Variants in DNAH6 observed in about 807,000 individuals in gnomAD.
DNAH6 encodes axonemal beta dynein heavy chain 6.
Under a neutral mutation model 491.4 loss-of-function variants are expected in DNAH6, and 340 were observed. That is an observed-to-expected ratio of 0.69 (90% CI 0.63 to 0.76). The LOEUF (loss-of-function observed/expected upper bound fraction) is 0.76, where lower values mean the gene tolerates loss of function less well. Among genes scored for constraint, DNAH6 ranks in the 30% least tolerant of loss-of-function variants. The pLI is 0.00. For missense variants in DNAH6, 4,443 were observed against 4,972.2 expected, an observed-to-expected ratio of 0.89 and a Z score of 3.20; for synonymous variants, 1,603 against 1,686.1, an observed-to-expected ratio of 0.95 and a Z score of 1.21.
chr2:84,786,132 A>T (rs1377504911), intron 67 of DNAH6, among the ~76,000 whole-genome samples: 1 of 151,010 alleles, frequency 6.6e-6, no homozygotes, highest in African/African-American at 2.5e-5. Context: ...GAATGAATGA[A>T]TGAATGAATC....
At chr2:84,494,756 C>T in the DNAH6 span, among the ~76,000 whole-genome samples, 1 of 152,296 alleles carries the variant, frequency 6.6e-6, no homozygotes, top group African/African-American at 2.4e-5. Context: ...ACTCACCTTC[C>T]AGGCACCATT....
At chr2:84,791,247 A>G (rs1183668330) in intron 68 of DNAH6, among the ~76,000 whole-genome samples, 1 of 152,086 alleles carries the variant, frequency 6.6e-6, no homozygotes, top group African/African-American at 2.4e-5. Context: ...TTGTACACAA[A>G]TGTTCATAAC....
At chr2:84,511,017 G>A in the DNAH6 span, among the ~76,000 whole-genome samples, 1 of 152,178 alleles carries the variant, frequency 6.6e-6, no homozygotes, top group South Asian at 2.1e-4. Flanking sequence ...GCTACTCGGG[G>A]GTCAGGGACC....
the DNAH6 span, among the ~76,000 whole-genome samples, chr2:84,476,479 A>G: frequency 6.6e-6 from 1 of 152,148 alleles, no homozygotes; most frequent in Admixed American, 6.6e-5. Context: ...CGGGCTAGTA[A>G]AACATACTTT....
At chr2:84,513,488 C>G (rs1229068288), upstream of DNAH6, among the ~76,000 whole-genome samples, 1 of 152,018 alleles carries the variant, frequency 6.6e-6, no homozygotes, top group Non-Finnish European at 1.5e-5. Context: ...ACCATTTTTG[C>G]TAATGTTATT....
the DNAH6 span, among the ~76,000 whole-genome samples, chr2:84,497,107 A>G: frequency 6.6e-6 from 1 of 151,904 alleles, no homozygotes; most frequent in African/African-American, 2.4e-5. Context: ...AGTAGCTGGG[A>G]CTATAGGTGC....
Position 84,703,351 on chromosome 2 carries a change from A to C in DNAH6, c.8062-44A>C, listed in dbSNP as rs552804953. On this transcript the variant is annotated intron_variant, in intron 49 of 76. Transcript: ENST00000389394. ...ATGTGTTCGATACCAGTAAACTTAGAGTTTATAATGCTCATTATAATATAA... is the reference window on the plus strand; with the variant it reads ...ATGTGTTCGATACCAGTAAACTTAGCGTTTATAATGCTCATTATAATATAA... 120 of 1,381,460 alleles carry C rather than the reference A, an allele frequency of 8.7e-5. No individual in the cohort carries two copies. In the South Asian group the frequency reaches 2.0e-3, roughly 23 times the overall value. 85.6% of individuals were successfully genotyped at this position (1,381,460 alleles called of 1,614,324 possible).
intron 70 of DNAH6, among the ~76,000 whole-genome samples, chr2:84,800,559 C>T (rs750536075): frequency 7.2e-5 from 11 of 152,142 alleles, no homozygotes; most frequent in Non-Finnish European, 1.6e-4. Context: ...TAAGAAAGAA[C>T]CAAACAGAGC....
At chr2:84,495,685 C>T in the DNAH6 span, among the ~76,000 whole-genome samples, 1 of 152,078 alleles carries the variant, frequency 6.6e-6, no homozygotes, top group Admixed American at 6.5e-5. Context: ...ATTTAAGAAA[C>T]CATTGCCCTG....
Position 84,709,468 on chromosome 2 carries a change from T to C in DNAH6, c.9174T>C (p.Arg3058=). 6.4e-7 allele frequency: 1 copy of C among 1,551,416 alleles called. No homozygotes were observed. The change falls in exon 55 of 77, where the codon CGT becomes CGC. Residue 3058 remains arginine (R), a synonymous_variant. Coordinates refer to ENST00000389394, the MANE Select transcript of DNAH6 (RefSeq NM_001370.2). ...IRQWNTDGLP[R]DLISTENGIL... Reference sequence around the variant, plus strand: ...AGTGGAACACTGATGGGCTGCCCCGTGACTTGATATCAACAGAAAATGGCA... The same window carrying C: ...AGTGGAACACTGATGGGCTGCCCCGCGACTTGATATCAACAGAAAATGGCA...
chr2:84,466,449 A>G, the DNAH6 span, among the ~76,000 whole-genome samples: 1 of 152,220 alleles, frequency 6.6e-6, no homozygotes, highest in African/African-American at 2.4e-5. Context: ...AGAAACAAAT[A>G]TGCTGCAAAT....
intron 62 of DNAH6, among the ~76,000 whole-genome samples, chr2:84,737,194 A>G (rs746210539): frequency 2.6e-5 from 4 of 151,984 alleles, no homozygotes; most frequent in Non-Finnish European, 5.9e-5. Flanking sequence ...GATTATGATG[A>G]ATTAACTTTT....
chr2:84,796,321 G>A lies in DNAH6; in HGVS notation c.11255G>A (p.Gly3752Asp), dbSNP rs1678341761. The A allele has an allele frequency of 6.6e-7, 1 of 1,507,374 alleles. No homozygotes were observed. Among genetic ancestry groups the A allele is most frequent in the Non-Finnish European group, 8.9e-7 (1 of 1,124,512 alleles). 93.4% of individuals were successfully genotyped at this position (1,507,374 alleles called of 1,614,324 possible). ...LIYITGEITYGGRVTDSWDQR... is the reference protein window; with the variant it reads ...LIYITGEITYDGRVTDSWDQR... ...TTCTTTTCAGGTGAAATTACTTATG[G>A]TGGTAGAGTCACAGACAGCTGGGAC... The change falls in exon 69 of 77, where the codon GGT becomes GAT. Residue 3752 changes from glycine to aspartate, a missense_variant. This residue lies in a region of DNAH6 where 1,463 missense variants were observed against 1,656.6 expected (regional missense o/e 0.88). Transcript: ENST00000389394.
Position 84,751,406 on chromosome 2 carries a change from TCC to T in DNAH6, c.10512+6158_10512+6159del, listed in dbSNP as rs1433288871. 5.9e-5 allele frequency among the ~76,000 whole-genome samples: 9 copies of T among 152,186 alleles called. No homozygotes were observed. The South Asian group carries it at 6.2e-4, about 11-fold the overall frequency. On this transcript the variant is annotated intron_variant, in intron 63 of 76. Transcript: ENST00000389394. ...TGCTCTATTGGGAGAAGGAGGATAG[TCC>T]AACAAAGTGGCTTCTGTGGGAAACT...
In DNAH6 at chr2:84,616,983, G is replaced by C. The variant is rs759042055; in HGVS notation, c.3572+1G>C. On this transcript the variant is annotated splice_donor_variant, in intron 23 of 76. Coordinates refer to ENST00000389394, the MANE Select transcript of DNAH6 (RefSeq NM_001370.2). LOFTEE classifies it high-confidence loss of function. ...AATCAAAAAGAGTTATCTTTCCAAG[G>C]TAAGTTTATAAAGCAACCTAAGATA... The C allele has an allele frequency of 5.4e-6, 8 of 1,469,754 alleles. No individual in the cohort carries two copies. Among genetic ancestry groups the C allele is most frequent in the Non-Finnish European group, 7.2e-6 (8 of 1,104,998 alleles). 91.0% of individuals were successfully genotyped at this position (1,469,754 alleles called of 1,614,324 possible).
Position 84,723,129 on chromosome 2 carries a change from G to A in DNAH6, c.9972+325G>A, listed in dbSNP as rs979414531. On this transcript the variant is annotated intron_variant, in intron 60 of 76. Coordinates refer to ENST00000389394, the MANE Select transcript of DNAH6 (RefSeq NM_001370.2). Reference sequence around the variant, plus strand: ...TGTAATCCCAGCTACTCGGGAGGCTGGGGCAGGAGAATTGCTTAAACCCAG... The same window carrying A: ...TGTAATCCCAGCTACTCGGGAGGCTAGGGCAGGAGAATTGCTTAAACCCAG... 2.2e-4 allele frequency among the ~76,000 whole-genome samples: 33 copies of A among 152,260 alleles called. 1 individual carries two copies. The highest frequency in any genetic ancestry group is 6.8e-3 in the Middle Eastern group (2 of 294).
chr2:84,504,618 G>T, the DNAH6 span, among the ~76,000 whole-genome samples: 1 of 152,102 alleles, frequency 6.6e-6, no homozygotes, highest in Non-Finnish European at 1.5e-5. Flanking sequence ...GCTTGAGGGA[G>T]CACCCCAAGC....
chr2:84,781,552 A>G lies in DNAH6; in HGVS notation c.10763A>G (p.Asp3588Gly), dbSNP rs1399219165. ...CCTATTGCTGAAAAAATGGTCAAGG[A>G]TGCAATGAAATCAGGAAACTGGGTA... The part of the protein sequence containing the change: ...QGPIAEKMVK[D>G]AMKSGNWVFL... The change falls in exon 65 of 77, where the codon GAT (aspartate) becomes GGT (glycine). Residue 3588 changes from aspartate to glycine, a missense_variant. Asp to Gly is a moderately conservative substitution (Grantham distance 94, BLOSUM62 -1). This residue lies in a region of DNAH6 where 1,463 missense variants were observed against 1,656.6 expected (regional missense o/e 0.88). Transcript: ENST00000389394. 6.4e-7 allele frequency: 1 copy of G among 1,551,572 alleles called. No homozygotes were observed. Among genetic ancestry groups the G allele is most frequent in the African/African-American group, 1.4e-5 (1 of 73,060 alleles).
the DNAH6 span, among the ~76,000 whole-genome samples, chr2:84,492,019 C>G: frequency 6.6e-6 from 1 of 152,140 alleles, no homozygotes; most frequent in South Asian, 2.1e-4. Context: ...AGGTGGAGGT[C>G]TAACTACCAG....
Sources: gnomAD v4.1 joint callset for allele counts (sites outside exome capture counted in the v4.1 genomes callset) on GRCh38, gnomAD v4.1.1 for gene constraint, gnomAD v4.1.1 regional missense constraint, MANE v1.5 for transcripts, NCBI Gene and HGNC (gene_info 2026-07-23, HGNC 2026-07-21) for gene names.